The following MALRD1 variants were observed in gnomAD, a reference collection of about 807,000 sequenced individuals.
MALRD1 encodes MAM and LDL receptor class A domain containing 1.
In MALRD1, 247 loss-of-function variants were observed where a neutral mutation model predicts 242.1. The ratio of observed to expected loss-of-function variants is 1.02; its 90% CI spans 0.92 to 1.13. MALRD1 has a LOEUF of 1.13. Ranked by LOEUF, MALRD1 falls within the 50% of genes most tolerant of loss-of-function variation. The probability of loss-of-function intolerance (pLI) is 0.00; values close to 1 mark genes in which losing one functional copy is unlikely to be tolerated. For synonymous variants in MALRD1, 995 were observed against 866.6 expected, an observed-to-expected ratio of 1.15 and a Z score of -2.60; for missense variants, 2,989 against 2,533.1, an observed-to-expected ratio of 1.18 and a Z score of -3.86.
intron 18 of MALRD1, among the ~76,000 whole-genome samples, chr10:19,237,742 TTTATATATAAAACCATAA>T (rs1232583211): frequency 2.0e-5 from 2 of 100,268 alleles, no homozygotes; most frequent in African/African-American, 3.6e-5. Flanking sequence ...TTATATATAA[TTTATATATAAAACCATAA>T]TTATATATAA....
chr10:19,544,392 T>G (rs1835112825), intron 32 of MALRD1, among the ~76,000 whole-genome samples: 1 of 152,040 alleles, frequency 6.6e-6, no homozygotes, highest in Non-Finnish European at 1.5e-5. Flanking sequence ...TTCACCGTGT[T>G]GGCCAGGCTG....
At chr10:19,057,801 AG>A (rs1180067653) in intron 1 of MALRD1, among the ~76,000 whole-genome samples, 1 of 152,226 alleles carries the variant, frequency 6.6e-6, no homozygotes, top group Non-Finnish European at 1.5e-5. Flanking sequence ...GGAAAATGAG[AG>A]ATAAATAGCT....
intron 1 of MALRD1, among the ~76,000 whole-genome samples, chr10:19,065,708 T>C (rs1037857218): frequency 1.3e-5 from 2 of 152,202 alleles, no homozygotes; most frequent in Non-Finnish European, 2.9e-5. Context: ...TGAACAACCA[T>C]GTGCTCCAGG....
At chr10:19,664,890 A>G (rs1360466386) in intron 36 of MALRD1, among the ~76,000 whole-genome samples, 1 of 152,124 alleles carries the variant, frequency 6.6e-6, no homozygotes, top group Non-Finnish European at 1.5e-5. Flanking sequence ...TAGAAATATT[A>G]TCGTCAAATA....
intron 28 of MALRD1, among the ~76,000 whole-genome samples, chr10:19,430,380 G>T (rs961927748): frequency 1.3e-5 from 2 of 151,774 alleles, no homozygotes; most frequent in African/African-American, 2.4e-5. Context: ...CTCCCAAAGC[G>T]CTGGGATTAC....
At chr10:19,559,514 T>C (rs1366960000) in intron 32 of MALRD1, among the ~76,000 whole-genome samples, 2 of 152,188 alleles carry the variant, frequency 1.3e-5, no homozygotes, top group Admixed American at 6.5e-5. Flanking sequence ...TTAAAATTTC[T>C]CTTGGAACTT....
At chr10:19,296,926 A>C (rs1244191481) in intron 21 of MALRD1, among the ~76,000 whole-genome samples, 1 of 151,790 alleles carries the variant, frequency 6.6e-6, no homozygotes, top group East Asian at 1.9e-4. Context: ...GATTATTACT[A>C]ATTATGTTTT....
At chr10:19,138,969 T>C (rs1033134546) in intron 10 of MALRD1, among the ~76,000 whole-genome samples, 1 of 152,210 alleles carries the variant, frequency 6.6e-6, no homozygotes, top group South Asian at 2.1e-4. Flanking sequence ...GTGTTACTTA[T>C]TAGTCTTTTA....
intron 28 of MALRD1, among the ~76,000 whole-genome samples, chr10:19,399,868 T>C (rs949849073): frequency 1.3e-5 from 2 of 152,166 alleles, no homozygotes; most frequent in African/African-American, 4.8e-5. Flanking sequence ...TAAAGCTCCT[T>C]GGTAAATTCT....
chr10:19,315,591 A>ATAT (rs1554831028), intron 21 of MALRD1, among the ~76,000 whole-genome samples: 4 of 74,840 alleles, frequency 5.3e-5, no homozygotes, highest in Non-Finnish European at 9.6e-5. Flanking sequence ...TAAATTATAA[A>ATAT]TATTTATATA....
rs1044809956 is a variant in MALRD1, at chr10:19,169,801, G to T, written c.1830+3991G>T. On this transcript the variant is annotated intron_variant, in intron 13 of 39. Coordinates refer to ENST00000454679, the MANE Select transcript of MALRD1 (RefSeq NM_001142308.3). ...TTAAAGTTTGTCTTCTTGGAAATAG[G>T]CTAGGATTTAAGATTAGTAGCCTGA... is the stretch of plus-strand genomic sequence containing the variant. Among the ~76,000 whole-genome samples, 9 of 152,242 alleles carry T rather than the reference G, an allele frequency of 5.9e-5. No individual in the cohort carries two copies. In the East Asian group the frequency reaches 1.2e-3, roughly 20 times the overall value.
At chr10:19,450,099 C>T (rs906902807) in intron 28 of MALRD1, among the ~76,000 whole-genome samples, 4 of 152,086 alleles carry the variant, frequency 2.6e-5, no homozygotes, top group Admixed American at 1.3e-4. Flanking sequence ...GTGCTTTCCC[C>T]GACCCCTGAC....
At chr10:19,166,390 T>G (rs1391463211) in intron 13 of MALRD1, among the ~76,000 whole-genome samples, 1 of 151,636 alleles carries the variant, frequency 6.6e-6, no homozygotes, top group Non-Finnish European at 1.5e-5. Context: ...CTCATGGAGG[T>G]AGAGAGGAGA....
At chr10:19,275,535 G>A (rs962390469) in intron 19 of MALRD1, among the ~76,000 whole-genome samples, 3 of 152,166 alleles carry the variant, frequency 2.0e-5, no homozygotes, top group African/African-American at 7.2e-5. Flanking sequence ...CTGGCGTGGT[G>A]GCGGGCGCCT....
intron 18 of MALRD1, among the ~76,000 whole-genome samples, chr10:19,238,468 A>ATATTATATATAATATATAATATATATT (rs373763200): frequency 2.6e-5 from 1 of 38,066 alleles, no homozygotes; most frequent in African/African-American, 1.6e-4. Context: ...TATATAATAT[A>ATATTATATATAATATATAATATATATT]ATATATAATA....
chr10:19,587,711 C>G (rs536161318), intron 33 of MALRD1, among the ~76,000 whole-genome samples: 7 of 152,238 alleles, frequency 4.6e-5, no homozygotes, highest in African/African-American at 1.4e-4. Context: ...CTGGAACTGT[C>G]TGCATAGCAC....
intron 1 of MALRD1, among the ~76,000 whole-genome samples, chr10:19,064,769 CA>C (rs147678284): frequency 0.063 from 3,999 of 63,180 alleles, 107 homozygotes; most frequent in East Asian, 0.19. Context: ...AACTCTGTCT[CA>C]AAAAAAAAAA....
At chr10:19,591,255 CTTATT>C (rs1323011685) in intron 33 of MALRD1, among the ~76,000 whole-genome samples, 2 of 152,144 alleles carry the variant, frequency 1.3e-5, no homozygotes, top group Non-Finnish European at 2.9e-5. Context: ...GAATGTTGTT[CTTATT>C]TTACAGAGTT....
chr10:19,176,366 CTTTTTTTT>C (rs11443184), intron 14 of MALRD1, among the ~76,000 whole-genome samples: 52 of 87,304 alleles, frequency 6.0e-4, no homozygotes, highest in African/African-American at 2.2e-3. Flanking sequence ...TTTCTGGGTG[CTTTTTTTT>C]TTTTTTTTTT....
Sources: allele counts gnomAD v4.1 joint callset (sites outside exome capture counted in the v4.1 genomes callset), GRCh38; gene constraint gnomAD v4.1.1; transcripts MANE v1.5; gene names NCBI Gene and HGNC (gene_info 2026-07-23, HGNC 2026-07-21).